AP4E1: variants seen among roughly 807,000 people sequenced by gnomAD.
The protein encoded by AP4E1 is AP-4 complex subunit epsilon-1.
In AP4E1, 56 loss-of-function variants were observed where a neutral mutation model predicts 128.2. The ratio of observed to expected loss-of-function variants is 0.44; its 90% CI spans 0.35 to 0.55. The LOEUF is 0.55. Among genes scored for constraint, AP4E1 ranks in the 20% least tolerant of loss-of-function variants. The pLI is 0.00. For missense variants in AP4E1, 1,324 were observed against 1,307.7 expected (o/e 1.01, Z -0.19); for synonymous variants, 484 against 473.1 (o/e 1.02, Z -0.30).
At chr15:50,947,237 C>T (rs1051601474) in intron 10 of AP4E1, among the ~76,000 whole-genome samples, 3 of 151,700 alleles carry the variant, frequency 2.0e-5, no homozygotes, top group Admixed American at 1.3e-4. Flanking sequence ...GCAACATGGT[C>T]GAACTCCATC....
intron 16 of AP4E1, among the ~76,000 whole-genome samples, chr15:50,989,822 G>A (rs191878012): frequency 1.5e-3 from 226 of 152,188 alleles, no homozygotes; most frequent in African/African-American, 5.2e-3. Flanking sequence ...AAACTGCTAA[G>A]GAATTATATA....
At chr15:50,947,645 A>T (rs898644754) in intron 10 of AP4E1, among the ~76,000 whole-genome samples, 1 of 152,170 alleles carries the variant, frequency 6.6e-6, no homozygotes, top group Admixed American at 6.5e-5. Context: ...ACACACATAC[A>T]TACACTTGCA....
chr15:50,970,650 T>C (rs2064466095), intron 15 of AP4E1, among the ~76,000 whole-genome samples: 1 of 152,228 alleles, frequency 6.6e-6, no homozygotes, highest in South Asian at 2.1e-4. Context: ...TAACTTAAAA[T>C]CTGTTTTGTT....
intron 16 of AP4E1, among the ~76,000 whole-genome samples, chr15:50,987,429 T>C (rs551169840): frequency 6.6e-6 from 1 of 152,346 alleles, no homozygotes; most frequent in South Asian, 2.1e-4. Flanking sequence ...TGCTTTCTCT[T>C]GTGGGCATTT....
At chr15:50,980,136 C>T (rs1373203268) in intron 15 of AP4E1, among the ~76,000 whole-genome samples, 1 of 152,206 alleles carries the variant, frequency 6.6e-6, no homozygotes, top group African/African-American at 2.4e-5. Context: ...ATATGGGCTT[C>T]ACTGTCTCTT....
At chr15:50,909,799 T>C (rs1038724222) in intron 1 of AP4E1, among the ~76,000 whole-genome samples, 3 of 152,196 alleles carry the variant, frequency 2.0e-5, no homozygotes, top group African/African-American at 2.4e-5. Context: ...GCCATTCTCC[T>C]GCCTCAGCTT....
intron 20 of AP4E1, 65 bp downstream of exon 20, chr15:51,001,248 T>G (rs1459493836): frequency 6.9e-7 from 1 of 1,452,480 alleles, no homozygotes; most frequent in Non-Finnish European, 9.6e-7. Context: ...GGAACACAAA[T>G]CAACTCTTAC....
upstream of AP4E1, among the ~76,000 whole-genome samples, chr15:50,908,078 C>G (rs1034159370): frequency 1.3e-5 from 2 of 152,170 alleles, no homozygotes; most frequent in Non-Finnish European, 2.9e-5. Context: ...GGGTGGCCGC[C>G]GACCAGTTCT....
At chr15:50,945,611 G>A (rs1256327926) in intron 10 of AP4E1, 1 of 756,366 alleles carries the variant, frequency 1.3e-6, no homozygotes, top group Non-Finnish European at 2.4e-6. Flanking sequence ...AGTTGAAGCA[G>A]GGAGGTATAT....
chr15:50,984,033 G>A lies in AP4E1; in HGVS notation c.1978G>A (p.Glu660Lys), dbSNP rs767846928. Residue 660 changes from glutamate to lysine, a missense_variant, in exon 16 of 21, where the codon GAA (glutamate) becomes AAA (lysine). Glu to Lys is a moderately conservative substitution (Grantham distance 56). Transcript: ENST00000261842. ...KLSQEKVLNF[E>K]PYGLSFSSSG... ...TTTTAAAATTCTAGTTCTCAATTTT[G>A]AACCATATGGACTCTCCTTTTCTTC... 1.2e-6 allele frequency: 2 copies of A among 1,612,606 alleles called. No homozygotes were observed. The highest frequency in any genetic ancestry group is 2.7e-5 in the African/African-American group (2 of 74,816).
chr15:50,939,531 A>G (rs1384755946), intron 8 of AP4E1, among the ~76,000 whole-genome samples: 2 of 152,148 alleles, frequency 1.3e-5, no homozygotes, highest in Non-Finnish European at 2.9e-5. Flanking sequence ...AGATATTTGT[A>G]GAGTTGGAGA....
chr15:50,946,662 A>G (rs1425313281), intron 10 of AP4E1, among the ~76,000 whole-genome samples: 1 of 152,208 alleles, frequency 6.6e-6, no homozygotes, highest in Non-Finnish European at 1.5e-5. Context: ...TAAGTTTGAC[A>G]AATATGTGGA....
chr15:50,910,370 A>G (rs1330388918), intron 1 of AP4E1, among the ~76,000 whole-genome samples: 1 of 152,200 alleles, frequency 6.6e-6, no homozygotes, highest in Non-Finnish European at 1.5e-5. Context: ...GCACGTGTTA[A>G]TGTCATTATT....
chr15:50,993,130 T>A (rs1052105337), intron 16 of AP4E1, among the ~76,000 whole-genome samples: 1 of 152,190 alleles, frequency 6.6e-6, no homozygotes, highest in Non-Finnish European at 1.5e-5. Context: ...GCTCTGAAAT[T>A]TTTAACTAAG....
chr15:50,950,079 A>G lies in AP4E1; in HGVS notation c.1458A>G (p.Gln486=), dbSNP rs557252541. Residue 486 remains glutamine, a synonymous_variant, in exon 13 of 21, where the codon CAA becomes CAG. Coordinates refer to ENST00000261842, the MANE Select transcript of AP4E1 (RefSeq NM_007347.5). ...TTGATGATGAAACAGAAGATCAGCA[A>G]TTAAGACTCTATGCAGTTCAGTCTT... ...EGFDDETEDQ[Q]LRLYAVQSYL... The G allele has an allele frequency of 3.1e-6, 5 of 1,613,220 alleles. No individual in the cohort carries two copies. The African/African-American group carries it at 6.7e-5, about 21-fold the overall frequency.
At chr15:50,941,092 G>A (rs1297145497) in intron 8 of AP4E1, among the ~76,000 whole-genome samples, 2 of 152,134 alleles carry the variant, frequency 1.3e-5, no homozygotes, top group Non-Finnish European at 2.9e-5. Context: ...CCATTAGAAT[G>A]TGAACTCCTT....
intron 14 of AP4E1, among the ~76,000 whole-genome samples, chr15:50,965,548 T>C (rs2064380586): frequency 6.6e-6 from 1 of 152,222 alleles, no homozygotes; most frequent in Admixed American, 6.5e-5. Context: ...TACTGGTTTA[T>C]TATAAACTAT....
At chr15:50,952,620 C>G (rs975543335) in intron 13 of AP4E1, among the ~76,000 whole-genome samples, 1 of 151,746 alleles carries the variant, frequency 6.6e-6, no homozygotes, top group Non-Finnish European at 1.5e-5. Flanking sequence ...GGCTATTATT[C>G]TCCTCCTTTC....
intron 14 of AP4E1, among the ~76,000 whole-genome samples, chr15:50,964,955 C>CCACCCACACA (rs1555459130): frequency 7.6e-5 from 10 of 131,370 alleles, no homozygotes; most frequent in Admixed American, 1.6e-4. Context: ...CCTCCCCCTA[C>CCACCCACACA]CACACACACA....
Sources: allele counts gnomAD v4.1 joint callset (sites outside exome capture counted in the v4.1 genomes callset), GRCh38; gene constraint gnomAD v4.1.1; transcripts MANE v1.5; gene names NCBI Gene and HGNC (gene_info 2026-07-23, HGNC 2026-07-21).